Variants in CACNA2D1 observed in about 807,000 individuals in gnomAD.
CACNA2D1 encodes the protein voltage-dependent calcium channel subunit alpha-2/delta-1.
CACNA2D1 carries 53 observed loss-of-function variants against 171.5 expected under a neutral mutation model. That is an observed-to-expected ratio of 0.31 (90% CI 0.25 to 0.39). The LOEUF (loss-of-function observed/expected upper bound fraction) is 0.39. Ranked by LOEUF, CACNA2D1 falls within the 10% of genes least tolerant of loss-of-function variation. The pLI, the probability that CACNA2D1 is intolerant of heterozygous loss-of-function variation, is 1.00. For missense variants in CACNA2D1, 903 were observed against 1,299.8 expected, an observed-to-expected ratio of 0.69 and a Z score of 4.69; for synonymous variants, 442 against 443.1, an observed-to-expected ratio of 1.00 and a Z score of 0.03.
intron 1 of CACNA2D1, among the ~76,000 whole-genome samples, chr7:82,410,903 G>A (rs1030338531): frequency 6.6e-6 from 1 of 151,992 alleles, no homozygotes; most frequent in Non-Finnish European, 1.5e-5. Context: ...TTAATCTTTC[G>A]AGACTGCCCT....
chr7:82,181,515 TG>T (rs1188988299), intron 3 of CACNA2D1, among the ~76,000 whole-genome samples: 1 of 152,058 alleles, frequency 6.6e-6, no homozygotes, highest in African/African-American at 2.4e-5. Flanking sequence ...ACTACTGGAG[TG>T]GGCCCTGTGA....
intron 3 of CACNA2D1, among the ~76,000 whole-genome samples, chr7:82,230,419 T>C (rs893373649): frequency 6.6e-6 from 1 of 152,240 alleles, no homozygotes; most frequent in Non-Finnish European, 1.5e-5. Flanking sequence ...AGTTTGGAGC[T>C]ATGAAAAATT....
At chr7:82,330,220 G>A (rs1817150863) in intron 3 of CACNA2D1, among the ~76,000 whole-genome samples, 1 of 152,088 alleles carries the variant, frequency 6.6e-6, no homozygotes, top group Non-Finnish European at 1.5e-5. Flanking sequence ...GCAATAAGTA[G>A]TTTAGAGTCA....
At chr7:82,241,706 AG>A (rs1804314280) in intron 3 of CACNA2D1, among the ~76,000 whole-genome samples, 2 of 151,920 alleles carry the variant, frequency 1.3e-5, no homozygotes, top group South Asian at 2.1e-4. Flanking sequence ...GAAGGGAGGG[AG>A]GGGGGAATTA....
At chr7:82,359,582 G>T (rs559730348) in intron 1 of CACNA2D1, among the ~76,000 whole-genome samples, 1 of 151,954 alleles carries the variant, frequency 6.6e-6, no homozygotes, top group Non-Finnish European at 1.5e-5. Flanking sequence ...ATCACCTCTC[G>T]AATCCTCTTC....
intron 3 of CACNA2D1, among the ~76,000 whole-genome samples, chr7:82,328,549 G>A (rs372660034): frequency 8.6e-5 from 13 of 151,860 alleles, no homozygotes; most frequent in South Asian, 4.2e-4. Context: ...GAAATATTCC[G>A]CCATCTTTTC....
intron 10 of CACNA2D1, among the ~76,000 whole-genome samples, chr7:82,049,446 C>T (rs1804950700): frequency 6.6e-6 from 1 of 152,126 alleles, no homozygotes; most frequent in Admixed American, 6.5e-5. Flanking sequence ...AATTACCAAG[C>T]TCTTAAAATC....
chr7:82,210,134 A>G (rs985044483), intron 3 of CACNA2D1, among the ~76,000 whole-genome samples: 3 of 151,874 alleles, frequency 2.0e-5, no homozygotes, highest in Admixed American at 6.6e-5. Context: ...GGCTTGCACT[A>G]TAGAAGTATT....
intron 1 of CACNA2D1, among the ~76,000 whole-genome samples, chr7:82,357,146 G>A (rs924004664): frequency 7.9e-5 from 12 of 152,104 alleles, no homozygotes; most frequent in Non-Finnish European, 5.9e-5. Context: ...CATTAAGCAT[G>A]AGAGAAAAAA....
intron 20 of CACNA2D1, among the ~76,000 whole-genome samples, 163 bp from the exon 21 acceptor site, chr7:81,991,409 T>C (rs1332187236): frequency 6.6e-6 from 1 of 152,226 alleles, no homozygotes; most frequent in Non-Finnish European, 1.5e-5. Context: ...TCTGGGTGTG[T>C]CTAGCAAAAT....
chr7:82,278,557 TAAAAAAAAA>T (rs59630150), intron 3 of CACNA2D1, among the ~76,000 whole-genome samples: 4 of 107,768 alleles, frequency 3.7e-5, no homozygotes, highest in East Asian at 2.7e-4. Context: ...GACTCTGTCT[TAAAAAAAAA>T]AAAAAAAAAA....
chr7:82,402,705 CAAAAAAAAAAAAAAAAA>C (rs59290672), intron 1 of CACNA2D1, among the ~76,000 whole-genome samples: 3 of 64,824 alleles, frequency 4.6e-5, no homozygotes, highest in African/African-American at 1.8e-4. Flanking sequence ...GACTCTGTCT[CAAAAAAAAAAAAAAAAA>C]AAAAAAAAAA....
At chr7:82,326,535 T>C (rs2129442308) in intron 3 of CACNA2D1, among the ~76,000 whole-genome samples, 1 of 152,316 alleles carries the variant, frequency 6.6e-6, no homozygotes, top group East Asian at 1.9e-4. Flanking sequence ...ATATGGAAAG[T>C]GCCTAGCAAA....
intron 15 of CACNA2D1, among the ~76,000 whole-genome samples, chr7:82,010,346 T>C (rs1258024391): frequency 1.3e-5 from 2 of 152,006 alleles, no homozygotes; most frequent in Non-Finnish European, 2.9e-5. Context: ...ACGCTATATG[T>C]GTCCAATGAA....
rs774565705 is a variant in CACNA2D1, at chr7:82,000,771, CTTTTTTTTTTTTTTTTTTTTT to C, written c.1591-3542_1591-3522del. 1.3e-3 allele frequency among the ~76,000 whole-genome samples: 69 copies of C among 51,966 alleles called. 1 individual carries two copies. Among genetic ancestry groups the C allele is most frequent in the African/African-American group, 3.1e-3 (47 of 14,994 alleles). 34.1% of individuals were successfully genotyped at this position (51,966 alleles called of 152,430 possible). On this transcript the variant is annotated intron_variant, in intron 18 of 38. Transcript: ENST00000356860. ...TACCATGCCTAACTAATTTTTCTTT[CTTTTTTTTTTTTTTTTTTTTT>C]TTTTTTTTTTTTTTTTTTTGTAGAG...
chr7:82,128,074 C>T (rs1790540021), intron 5 of CACNA2D1, among the ~76,000 whole-genome samples: 1 of 151,672 alleles, frequency 6.6e-6, no homozygotes, highest in Non-Finnish European at 1.5e-5. Flanking sequence ...CAGGTGCACC[C>T]CACCATGCCC....
intron 1 of CACNA2D1, among the ~76,000 whole-genome samples, chr7:82,355,147 C>T (rs1820278287): frequency 6.6e-6 from 1 of 152,146 alleles, no homozygotes; most frequent in Admixed American, 6.6e-5. Context: ...TCACCTGACA[C>T]AGGCATTTTT....
chr7:82,034,630 T>C (rs1293088205), intron 11 of CACNA2D1, among the ~76,000 whole-genome samples: 1 of 152,028 alleles, frequency 6.6e-6, no homozygotes, highest in East Asian at 1.9e-4. Context: ...TTAACTAAAA[T>C]TAGTTTCTCT....
intron 6 of CACNA2D1, among the ~76,000 whole-genome samples, chr7:82,110,362 T>C (rs528502719): frequency 6.6e-6 from 1 of 152,232 alleles, no homozygotes; most frequent in African/African-American, 2.4e-5. Context: ...TTGCTCGCTC[T>C]CTCTGCTAGT....
Sources: allele counts gnomAD v4.1 joint callset (sites outside exome capture counted in the v4.1 genomes callset), GRCh38; gene constraint gnomAD v4.1.1; transcripts MANE v1.5; gene names NCBI Gene and HGNC (gene_info 2026-07-23, HGNC 2026-07-21).